SYAP1: variants seen among roughly 807,000 people sequenced by gnomAD.
SYAP1 encodes synapse associated protein 1.
SYAP1 carries 3 observed loss-of-function variants against 29.6 expected under a neutral mutation model. The observed-to-expected ratio is 0.10, with a 90% CI of 0.05 to 0.26. The LOEUF (loss-of-function observed/expected upper bound fraction) is 0.26. Ranked by LOEUF, SYAP1 falls within the 10% of genes least tolerant of loss-of-function variation. The pLI, the probability that SYAP1 is intolerant of heterozygous loss-of-function variation, is 1.00. For missense variants in SYAP1, 217 were observed against 264.1 expected, an observed-to-expected ratio of 0.82 and a Z score of 1.24; for synonymous variants, 102 against 102.7, an observed-to-expected ratio of 0.99 and a Z score of 0.04.
chrX:16,735,463 T>C (rs969378465), intron 2 of SYAP1, 118 bp downstream of exon 2: 6 of 479,182 alleles, frequency 1.3e-5, no homozygotes, highest in Middle Eastern at 6.2e-4. Context: ...CTGATAAAAA[T>C]GTTAATTGTT....
In SYAP1 at chrX:16,754,752, A is replaced by G. The variant is rs771116644; in HGVS notation, c.576-193A>G. Among the ~76,000 whole-genome samples the G allele has an allele frequency of 3.6e-5, 4 of 110,851 alleles. No homozygotes were observed. In the East Asian group the frequency reaches 8.5e-4, roughly 23 times the overall value. ...CAAAAAAAAAAAATTGTTAAAGCCA[A>G]TATGAACCCCCTCTGAACCTCACTC... On this transcript the variant is annotated intron_variant, in intron 5 of 8. Coordinates refer to ENST00000380155, the MANE Select transcript of SYAP1 (RefSeq NM_032796.4).
intron 4 of SYAP1, among the ~76,000 whole-genome samples, chrX:16,743,021 G>A (rs1926507926): frequency 1.9e-5 from 2 of 103,686 alleles, no homozygotes; most frequent in Admixed American, 2.2e-4. Flanking sequence ...TATTTCCCCA[G>A]TCTATGATAA....
At chrX:16,721,545 G>C (rs2147413144) in intron 1 of SYAP1, among the ~76,000 whole-genome samples, 1 of 109,839 alleles carries the variant, frequency 9.1e-6, no homozygotes, top group Non-Finnish European at 1.9e-5. Flanking sequence ...AAGGCCCCCA[G>C]ATAGAATAGT....
At chrX:16,737,438 A>G (rs1327739653) in intron 3 of SYAP1, among the ~76,000 whole-genome samples, 1 of 112,032 alleles carries the variant, frequency 8.9e-6, no homozygotes, top group African/African-American at 3.2e-5. Context: ...AGTTAATCCC[A>G]TGGTGAATTT....
At chrX:16,727,048 T>G (rs1926094852) in intron 1 of SYAP1, among the ~76,000 whole-genome samples, 1 of 110,783 alleles carries the variant, frequency 9.0e-6, no homozygotes, top group Non-Finnish European at 1.9e-5. Context: ...TAATCCAAAC[T>G]GTGGAAAAAA....
chrX:16,732,557 C>A (rs758238559), intron 1 of SYAP1, among the ~76,000 whole-genome samples: 16 of 111,248 alleles, frequency 1.4e-4, no homozygotes, highest in African/African-American at 4.6e-4. Flanking sequence ...CAGGCGTGAG[C>A]CACCGCGCCC....
At chrX:16,747,590 C>T (rs868252563) in intron 5 of SYAP1, among the ~76,000 whole-genome samples, 4 of 112,146 alleles carry the variant, frequency 3.6e-5, no homozygotes, top group Middle Eastern at 4.6e-3. Context: ...AATTGTGGAC[C>T]GCCCCCTCTC....
In SYAP1 at chrX:16,762,967, C is replaced by T. The variant is rs1308827975; in HGVS notation, c.*2608C>T. 9.0e-6 allele frequency: 1 copy of T among 111,485 alleles called. No homozygotes were observed. Among genetic ancestry groups the T allele is most frequent in the Non-Finnish European group, 1.9e-5 (1 of 53,133 alleles). 9.2% of individuals were successfully genotyped at this position (111,485 alleles called of 1,213,427 possible). A position where few individuals can be genotyped will look rare whatever the true frequency, so the allele number is the denominator to read the frequency against. On this transcript the variant is annotated 3_prime_UTR_variant, in exon 9 of 9. Transcript: ENST00000380155. The stretch of plus-strand genomic sequence containing the variant: ...CATTACAGGTGTCTCCTCTGAGGTT[C>T]CAGTTATTTCTATACTACCAAAATT...
At chrX:16,742,182 C>T (rs1238231621) in intron 4 of SYAP1, among the ~76,000 whole-genome samples, 6 of 73,456 alleles carry the variant, frequency 8.2e-5, no homozygotes, top group Admixed American at 1.9e-4. Context: ...GACAAAGTCT[C>T]GCTCTGTCAC....
At chrX:16,739,478 T>C (rs1051135321) in intron 3 of SYAP1, among the ~76,000 whole-genome samples, 20 of 98,414 alleles carry the variant, frequency 2.0e-4, no homozygotes, top group Admixed American at 3.3e-4. Flanking sequence ...CTCTCTCTCT[T>C]TTTTTTTTTT....
chrX:16,740,647 T>C (rs1237032420), intron 3 of SYAP1, among the ~76,000 whole-genome samples: 4 of 111,736 alleles, frequency 3.6e-5, no homozygotes, highest in Non-Finnish European at 7.5e-5. Flanking sequence ...CAGCTCTTGC[T>C]GTGTGTGTGC....
At chrX:16,729,167 C>T (rs1451895934) in intron 1 of SYAP1, among the ~76,000 whole-genome samples, 1 of 111,021 alleles carries the variant, frequency 9.0e-6, no homozygotes, top group African/African-American at 3.3e-5. Flanking sequence ...ATAGGAGTTT[C>T]ACATGATTTT....
rs200677106 is a variant in SYAP1, at chrX:16,736,685, A to G, written c.361+453A>G. ...CACCCAGCTATTTTTGTGTGTGTGT[A>G]TTTTTAGTAGAAACGGGGTTTTACC... On this transcript the variant is annotated intron_variant, in intron 3 of 8. Coordinates refer to ENST00000380155, the MANE Select transcript of SYAP1 (RefSeq NM_032796.4). 1.4e-4 allele frequency among the ~76,000 whole-genome samples: 16 copies of G among 111,615 alleles called. No homozygotes were observed. In the East Asian group the frequency reaches 4.5e-3, roughly 32 times the overall value.
At chrX:16,754,557 G>A (rs1437093724) in intron 5 of SYAP1, among the ~76,000 whole-genome samples, 2 of 110,704 alleles carry the variant, frequency 1.8e-5, no homozygotes, top group Admixed American at 9.8e-5. Flanking sequence ...GTGAAACCCC[G>A]TCTCTACTAA....
At chrX:16,743,903 A>C (rs1602330070) in intron 5 of SYAP1, 63 bp downstream of exon 5, 1 of 1,139,095 alleles carries the variant, frequency 8.8e-7, no homozygotes, top group East Asian at 3.1e-5. Flanking sequence ...ATCAGCACAT[A>C]ATGATGGAAG....
At position 16,739,147 on chromosome X, in the gene SYAP1, G is replaced by A. The variant is rs142901691; in HGVS notation, c.362-2569G>A. 8.5e-3 allele frequency among the ~76,000 whole-genome samples: 946 copies of A among 111,143 alleles called. 12 individuals are homozygous for A. The highest frequency in any genetic ancestry group is 0.029 in the African/African-American group (896 of 30,596). ...AGTGTGTGAGAAAAAATGTTTTGGG[G>A]GCTTTACCCTAATTTTTTCTTTAAA... On this transcript the variant is annotated intron_variant, in intron 3 of 8. Transcript: ENST00000380155.
intron 3 of SYAP1, among the ~76,000 whole-genome samples, chrX:16,739,918 T>A (rs73630568): frequency 0.035 from 3,922 of 111,255 alleles, 140 homozygotes; most frequent in East Asian, 0.13. Context: ...CCGCTGTGGG[T>A]TGCTGAATGA....
chrX:16,719,678 G>C lies in SYAP1; in HGVS notation c.-47G>C, dbSNP rs747081497. On this transcript the variant is annotated 5_prime_UTR_variant, in exon 1 of 9. Transcript: ENST00000380155. ...GTGGAGTCAAAGGCAACCAGTGCTC[G>C]CTGCGGTCTCTGGGGATCGGGACCG... is the stretch of plus-strand genomic sequence containing the variant. 9.3e-6 allele frequency: 11 copies of C among 1,180,029 alleles called. No homozygotes were observed. Among genetic ancestry groups the C allele is most frequent in the Non-Finnish European group, 1.1e-5 (10 of 881,491 alleles).
chrX:16,744,707 C>G (rs1168532109), intron 5 of SYAP1, among the ~76,000 whole-genome samples: 1 of 110,900 alleles, frequency 9.0e-6, no homozygotes, highest in Admixed American at 9.6e-5. Flanking sequence ...TGGTGTGCAC[C>G]TTTAGTCCCA....
Sources: gnomAD v4.1 joint callset for allele counts (sites outside exome capture counted in the v4.1 genomes callset) on GRCh38, gnomAD v4.1.1 for gene constraint, MANE v1.5 for transcripts, NCBI Gene and HGNC (gene_info 2026-07-23, HGNC 2026-07-21) for gene names.